Variants in GDPGP1 observed in about 807,000 individuals in gnomAD.
GDPGP1 encodes the protein GDP-D-glucose phosphorylase 1.
In GDPGP1, 18 loss-of-function variants were observed where a neutral mutation model predicts 19.2. That is an observed-to-expected ratio of 0.94 (90% confidence interval 0.65 to 1.39). The LOEUF (loss-of-function observed/expected upper bound fraction) is 1.39. Ranked by LOEUF, GDPGP1 falls within the 40% of genes most tolerant of loss-of-function variation. GDPGP1 has a pLI of 0.00. For synonymous variants in GDPGP1, 219 were observed against 208.9 expected (o/e 1.05, Z -0.42); for missense variants, 449 against 490.5 (o/e 0.92, Z 0.80).
At chr15:90,236,916 TTGGTA>T (rs1379612862) in intron 2 of GDPGP1, among the ~76,000 whole-genome samples, 3 of 152,100 alleles carry the variant, frequency 2.0e-5, no homozygotes, top group Admixed American at 2.0e-4. Context: ...TGATCAACTC[TTGGTA>T]CAGTGATAAA....
Position 90,241,835 on chromosome 15 carries a change from C to A in GDPGP1, c.927C>A (p.Val309=). ...CACCTTCCTCAGCCCTCACAGGGGT[C>A]CGAGTAATTCTGTGGGCCCGGAAGT... is the stretch of plus-strand genomic sequence containing the variant. The part of the protein sequence containing the change: ...KTSPSSALTG[V]RVILWARKSS... The change falls in exon 4 of 4, where the codon GTC becomes GTA. Residue 309 remains valine (V), a synonymous_variant. Coordinates refer to ENST00000329600, the MANE Select transcript of GDPGP1 (RefSeq NM_001013657.3). 1 of 1,614,222 alleles carries A rather than the reference C, an allele frequency of 6.2e-7. No individual in the cohort carries two copies. The highest frequency in any genetic ancestry group is 8.5e-7 in the Non-Finnish European group (1 of 1,180,032).
At chr15:90,237,450 T>TA (rs1229971624) in intron 2 of GDPGP1, among the ~76,000 whole-genome samples, 1 of 151,638 alleles carries the variant, frequency 6.6e-6, no homozygotes, top group Admixed American at 6.6e-5. Flanking sequence ...CACGCCCAGC[T>TA]AATTTTTGTA....
rs1567074027 is a variant in GDPGP1, at chr15:90,243,658, T to TG, written c.*1592_*1593insG. 1 of 95,366 alleles carries TG rather than the reference T, an allele frequency of 1.0e-5. No individual in the cohort carries two copies. Among genetic ancestry groups the TG allele is most frequent in the Non-Finnish European group, 2.4e-5 (1 of 41,680 alleles). 5.9% of individuals were successfully genotyped at this position (95,366 alleles called of 1,614,324 possible). A position where few individuals can be genotyped will look rare whatever the true frequency, so the allele number is the denominator to read the frequency against. On this transcript the variant is annotated 3_prime_UTR_variant, in exon 4 of 4. Coordinates refer to ENST00000329600, the MANE Select transcript of GDPGP1 (RefSeq NM_001013657.3). ...GGTGCAGGTTTTTTTTTTTTTTTTTTTTTTTTTTTTTTGACACAGGGTCAC... is the reference window on the plus strand; with the variant it reads ...GGTGCAGGTTTTTTTTTTTTTTTTTTGTTTTTTTTTTTTGACACAGGGTCAC...
Position 90,241,713 on chromosome 15 carries a change from T to C in GDPGP1, c.805T>C (p.Leu269=), listed in dbSNP as rs763887610. The change falls in exon 4 of 4, where the codon TTG becomes CTG. Residue 269 remains leucine (L), a synonymous_variant. Coordinates refer to ENST00000329600, the MANE Select transcript of GDPGP1 (RefSeq NM_001013657.3). ...TRGPGPDLES[L]ISRVCRATDY... ...TGGGCCAGGGCCTGACTTGGAGTCC[T>C]TGATAAGCAGGGTATGTCGGGCCAC... The C allele has an allele frequency of 1.3e-5, 21 of 1,614,224 alleles. No individual in the cohort carries two copies. The highest frequency in any genetic ancestry group is 1.6e-5 in the Non-Finnish European group (19 of 1,180,036).
chr15:90,235,299 C>T lies in GDPGP1; in HGVS notation c.-67+703C>T, dbSNP rs184621697. 2.3e-3 allele frequency among the ~76,000 whole-genome samples: 353 copies of T among 152,276 alleles called. 1 individual carries two copies. The highest frequency in any genetic ancestry group is 3.9e-3 in the Non-Finnish European group (267 of 68,026). On this transcript the variant is annotated intron_variant, in intron 2 of 3. Coordinates refer to ENST00000329600, the MANE Select transcript of GDPGP1 (RefSeq NM_001013657.3). The stretch of plus-strand genomic sequence containing the variant: ...AAATATTCAAGGCCAGGCGCGGTGG[C>T]TCATGCCTGTAATCTCAGCACTTTG...
At chr15:90,238,755 C>G (rs373225852) in intron 3 of GDPGP1, among the ~76,000 whole-genome samples, 1 of 152,192 alleles carries the variant, frequency 6.6e-6, no homozygotes, top group African/African-American at 2.4e-5. Flanking sequence ...CACTATGGAA[C>G]ATGGAAAAGC....
intron 2 of GDPGP1, among the ~76,000 whole-genome samples, chr15:90,237,031 T>C (rs908214472): frequency 6.6e-6 from 1 of 152,124 alleles, no homozygotes; most frequent in African/African-American, 2.4e-5. Context: ...CGATCTTAGC[T>C]CACTGCAACC....
At chr15:90,234,766 AC>A (rs1962596209) in intron 2 of GDPGP1, among the ~76,000 whole-genome samples, 170 bp downstream of exon 2, 1 of 151,690 alleles carries the variant, frequency 6.6e-6, no homozygotes, top group Non-Finnish European at 1.5e-5. Context: ...ACTCCATCTC[AC>A]CCCTAGACTG....
rs1326402708 is a variant in GDPGP1, at chr15:90,242,678, T to A, written c.*612T>A. The A allele has an allele frequency of 6.6e-6, 1 of 151,702 alleles. No individual in the cohort carries two copies. The highest frequency in any genetic ancestry group is 2.4e-5 in the African/African-American group (1 of 41,272). The allele number at this position is 151,702 out of a possible 1,614,324, so 9.4% of individuals were successfully genotyped here. ...GCTAGGCTGGTCTTGAACTCCTGAC[T>A]TTAGGTGATCCGCCCGCCTCGGCCT... is the stretch of plus-strand genomic sequence containing the variant. On this transcript the variant is annotated 3_prime_UTR_variant, in exon 4 of 4. Transcript: ENST00000329600.
Position 90,243,535 on chromosome 15 carries a change from T to C in GDPGP1, c.*1469T>C, listed in dbSNP as rs1962807471. 2.0e-5 allele frequency: 3 copies of C among 151,912 alleles called. No individual in the cohort carries two copies. The highest frequency in any genetic ancestry group is 4.4e-5 in the Non-Finnish European group (3 of 68,226). The allele number at this position is 151,912 out of a possible 1,614,324, so 9.4% of individuals were successfully genotyped here. On this transcript the variant is annotated 3_prime_UTR_variant, in exon 4 of 4. Coordinates refer to ENST00000329600, the MANE Select transcript of GDPGP1 (RefSeq NM_001013657.3). Reference sequence around the variant, plus strand: ...CTAATTTTTAAATTTTTTGTAGAGATAGGGTCTTGCTATGTTGCCCGGGTT... The same window carrying C: ...CTAATTTTTAAATTTTTTGTAGAGACAGGGTCTTGCTATGTTGCCCGGGTT...
In GDPGP1 at chr15:90,242,431, C is replaced by CTTTTTTTTTTTTTTTTTT; in HGVS notation, c.*379_*396dup. On this transcript the variant is annotated 3_prime_UTR_variant, in exon 4 of 4. Transcript: ENST00000329600. ...TGAGCCCCTGGATTCTTTTCTGTTT[C>CTTTTTTTTTTTTTTTTTT]TTTTTTTTTTTTTTTTTTTTTTTTT... 1.5e-5 allele frequency: 1 copy of CTTTTTTTTTTTTTTTTTT among 65,510 alleles called. No individual in the cohort carries two copies. Among genetic ancestry groups the CTTTTTTTTTTTTTTTTTT allele is most frequent in the Non-Finnish European group, 3.1e-5 (1 of 32,780 alleles). 4.1% of individuals were successfully genotyped at this position (65,510 alleles called of 1,614,324 possible).
rs1331799392 is a variant in GDPGP1 at position 90,244,833 on chromosome 15, C to T, written c.*2767C>T. ...GACTCAGTCTCAAAATAAATAAATACATAAAGTCTTGGGTCCAGCTCTCAA... is the reference window on the plus strand; with the variant it reads ...GACTCAGTCTCAAAATAAATAAATATATAAAGTCTTGGGTCCAGCTCTCAA... On this transcript the variant is annotated 3_prime_UTR_variant, in exon 4 of 4. Transcript: ENST00000329600. 6.6e-6 allele frequency: 1 copy of T among 152,068 alleles called. No homozygotes were observed. The highest frequency in any genetic ancestry group is 2.4e-5 in the African/African-American group (1 of 41,400). The allele number at this position is 152,068 out of a possible 1,614,324, so 9.4% of individuals were successfully genotyped here.
chr15:90,239,305 A>ATGTGTGTG (rs4031525), intron 3 of GDPGP1, among the ~76,000 whole-genome samples: 1,973 of 147,952 alleles, frequency 0.013, 21 homozygotes, highest in Middle Eastern at 0.041. Flanking sequence ...GAGACATAAA[A>ATGTGTGTG]TGTGTGTGTG....
At chr15:90,240,374 G>A (rs1439385965) in intron 3 of GDPGP1, among the ~76,000 whole-genome samples, 2 of 151,368 alleles carry the variant, frequency 1.3e-5, no homozygotes, top group East Asian at 1.9e-4. Context: ...CGGGCCTGGT[G>A]GCGGGTGCCT....
Position 90,241,095 on chromosome 15 carries a change from C to A in GDPGP1, c.187C>A (p.Leu63Ile). 2 of 1,614,182 alleles carry A rather than the reference C, an allele frequency of 1.2e-6. No individual in the cohort carries two copies. Among genetic ancestry groups the A allele is most frequent in the Non-Finnish European group, 8.5e-7 (1 of 1,180,022 alleles). Residue 63 changes from leucine (L) to isoleucine (I), a missense_variant, in exon 4 of 4, where the codon CTC becomes ATC. Leu to Ile is a conservative substitution (Grantham distance 5). Transcript: ENST00000329600. ...GCCACAATCTCCCTTTGATGCTGCACTCTGCTCTGCCTGGAAGCAGCGGGT... is the reference window on the plus strand; with the variant it reads ...GCCACAATCTCCCTTTGATGCTGCAATCTGCTCTGCCTGGAAGCAGCGGGT... The part of the protein sequence containing the change: ...ALPQSPFDAA[L>I]CSAWKQRVEL...
Position 90,241,454 on chromosome 15 carries a change from G to T in GDPGP1, c.546G>T (p.Leu182=). The change falls in exon 4 of 4, where the codon CTG becomes CTT. Residue 182 remains leucine (L), a synonymous_variant. Coordinates refer to ENST00000329600, the MANE Select transcript of GDPGP1 (RefSeq NM_001013657.3). The part of the protein sequence containing the change: ...EPARQLPQRL[L]PGALRAGIEA... ...CCCGCCAGCTCCCCCAGCGCCTGCT[G>T]CCGGGTGCACTGAGGGCAGGGATTG... is the stretch of plus-strand genomic sequence containing the variant. 4 of 1,613,554 alleles carry T rather than the reference G, an allele frequency of 2.5e-6. No homozygotes were observed. Among genetic ancestry groups the T allele is most frequent in the Non-Finnish European group, 2.5e-6 (3 of 1,180,014 alleles).
chr15:90,235,581 T>G (rs1216567487), intron 2 of GDPGP1, among the ~76,000 whole-genome samples: 3 of 152,102 alleles, frequency 2.0e-5, no homozygotes, highest in African/African-American at 7.2e-5. Flanking sequence ...TTTCTCTTTT[T>G]TTTTGAGACA....
chr15:90,238,444 T>C (rs1273954615), intron 2 of GDPGP1, 48 bp from the exon 3 acceptor site: 2 of 152,232 alleles, frequency 1.3e-5, no homozygotes, highest in African/African-American at 4.8e-5. Context: ...ACTTTTGATA[T>C]GTAATTTTTT....
At position 90,241,850 on chromosome 15, in the gene GDPGP1, G is replaced by A. The variant is rs376430769; in HGVS notation, c.942G>A (p.Trp314Ter). Residue 314 changes from tryptophan to a stop codon, truncating the protein, a stop_gained, in exon 4 of 4, where the codon TGG (tryptophan) becomes TGA (stop). Coordinates refer to ENST00000329600, the MANE Select transcript of GDPGP1 (RefSeq NM_001013657.3). LOFTEE classifies it high-confidence loss of function. ...SALTGVRVIL[W>*]ARKSSFGIKD... ...TCACAGGGGTCCGAGTAATTCTGTG[G>A]GCCCGGAAGTCCAGCTTTGGGATAA... 1.9e-6 allele frequency: 3 copies of A among 1,614,042 alleles called. No individual in the cohort carries two copies. The African/African-American group carries it at 4.0e-5, about 22-fold the overall frequency.
Sources: gnomAD v4.1 joint callset for allele counts (sites outside exome capture counted in the v4.1 genomes callset) on GRCh38, gnomAD v4.1.1 for gene constraint, MANE v1.5 for transcripts, NCBI Gene and HGNC (gene_info 2026-07-23, HGNC 2026-07-21) for gene names.